TSHZ2: variants seen among roughly 807,000 people sequenced by gnomAD.
TSHZ2 encodes teashirt zinc finger homeobox 2.
TSHZ2 carries 21 observed loss-of-function variants against 74.4 expected under a neutral mutation model. The observed-to-expected ratio is 0.28, with a 90% confidence interval of 0.20 to 0.41. TSHZ2 has a LOEUF of 0.41. TSHZ2 is among the 10% of genes least tolerant of loss of function. The pLI is 1.00. For synonymous variants in TSHZ2, 540 were observed against 515.3 expected (o/e 1.05, Z -0.65); for missense variants, 1,244 against 1,293.5 (o/e 0.96, Z 0.59).
intron 1 of TSHZ2, among the ~76,000 whole-genome samples, chr20:53,201,021 T>C (rs1011811513): frequency 6.6e-6 from 1 of 152,080 alleles, no homozygotes; most frequent in Non-Finnish European, 1.5e-5. Flanking sequence ...CATTAATTTT[T>C]TTTTTTAAGA....
intron 1 of TSHZ2, among the ~76,000 whole-genome samples, chr20:53,019,516 T>A (rs1361760926): frequency 6.6e-6 from 1 of 151,990 alleles, no homozygotes; most frequent in African/African-American, 2.4e-5. Flanking sequence ...TATCAGGGGG[T>A]TGGGGGAGAC....
chr20:53,360,411 G>A (rs527532571), intron 2 of TSHZ2, among the ~76,000 whole-genome samples: 14 of 152,260 alleles, frequency 9.2e-5, no homozygotes, highest in African/African-American at 1.7e-4. Context: ...TTTGTTAACC[G>A]AAGTCAATAA....
At chr20:53,204,249 T>TCA (rs1989094593) in intron 1 of TSHZ2, among the ~76,000 whole-genome samples, 3 of 146,034 alleles carry the variant, frequency 2.1e-5, no homozygotes, top group Non-Finnish European at 4.5e-5. Context: ...TACTATATCA[T>TCA]CATATGATGA....
chr20:53,472,467 G>T (rs1390320230), intron 2 of TSHZ2, among the ~76,000 whole-genome samples: 1 of 152,148 alleles, frequency 6.6e-6, no homozygotes, highest in South Asian at 2.1e-4. Flanking sequence ...AATAAGGATT[G>T]GGGGTGCAAG....
At chr20:53,253,098 T>G (rs1450214382) in intron 1 of TSHZ2, among the ~76,000 whole-genome samples, 1 of 152,138 alleles carries the variant, frequency 6.6e-6, no homozygotes, top group Non-Finnish European at 1.5e-5. Context: ...GAGTCAAGTC[T>G]TAGTCTCCCT....
chr20:53,200,728 C>T (rs1292477665), intron 1 of TSHZ2, among the ~76,000 whole-genome samples: 1 of 152,096 alleles, frequency 6.6e-6, no homozygotes, highest in Non-Finnish European at 1.5e-5. Context: ...TTGGTACCGA[C>T]CATGGCCCAG....
At chr20:53,105,633 ATTTTAT>A (rs1986339980) in intron 1 of TSHZ2, among the ~76,000 whole-genome samples, 1 of 151,652 alleles carries the variant, frequency 6.6e-6, no homozygotes, top group Non-Finnish European at 1.5e-5. Context: ...GTTATATTTT[ATTTTAT>A]TTTTATTTTT....
intron 2 of TSHZ2, among the ~76,000 whole-genome samples, chr20:53,397,059 G>A (rs1009502062): frequency 2.0e-5 from 3 of 152,102 alleles, no homozygotes; most frequent in African/African-American, 7.2e-5. Context: ...TAGGACATAG[G>A]CACGGGCAAG....
At chr20:53,222,339 AC>A (rs1989584035) in intron 1 of TSHZ2, among the ~76,000 whole-genome samples, 1 of 152,300 alleles carries the variant, frequency 6.6e-6, no homozygotes, top group Admixed American at 6.5e-5. Flanking sequence ...CTCTACAGAC[AC>A]TCAGCTTTCA....
chr20:53,411,104 G>T (rs1983040149), intron 2 of TSHZ2, among the ~76,000 whole-genome samples: 1 of 152,192 alleles, frequency 6.6e-6, no homozygotes, highest in East Asian at 1.9e-4. Flanking sequence ...TGTGAACCAT[G>T]TTCAGCATTT....
intron 1 of TSHZ2, among the ~76,000 whole-genome samples, chr20:53,181,226 G>T (rs1392330784): frequency 6.6e-6 from 1 of 152,112 alleles, no homozygotes; most frequent in African/African-American, 2.4e-5. Context: ...TCTCTGAAAT[G>T]ATATTGTTCA....
intron 1 of TSHZ2, chr20:53,208,455 G>A (rs1195173366): frequency 6.6e-6 from 1 of 152,136 alleles, no homozygotes; most frequent in Admixed American, 6.5e-5. Flanking sequence ...GTGTAACCCT[G>A]ATTTGTGAAT....
At chr20:53,224,296 C>A (rs546235689) in intron 1 of TSHZ2, among the ~76,000 whole-genome samples, 219 of 152,216 alleles carry the variant, frequency 1.4e-3, no homozygotes, top group African/African-American at 5.2e-3. Flanking sequence ...GGAGATGTTA[C>A]ATGAGAGACT....
chr20:53,185,958 G>A (rs1156863007), intron 1 of TSHZ2, among the ~76,000 whole-genome samples: 1 of 152,196 alleles, frequency 6.6e-6, no homozygotes, highest in African/African-American at 2.4e-5. Flanking sequence ...TGTGAATGGT[G>A]CCATCTTGGG....
chr20:53,186,140 G>T (rs1028617702), intron 1 of TSHZ2, among the ~76,000 whole-genome samples: 1 of 152,220 alleles, frequency 6.6e-6, no homozygotes, highest in Non-Finnish European at 1.5e-5. Context: ...GCTGGTGGAA[G>T]GCTGGGGCCA....
rs572529515 is a variant in TSHZ2, at chr20:53,087,104, A to G, written c.40+113771A>G. ...GTGATGATCTGAAGGAGGAGAATTC[A>G]TAATACCAGATTCTCACATGGCTAG... On this transcript the variant is annotated intron_variant, in intron 1 of 2. Transcript: ENST00000371497. Among the ~76,000 whole-genome samples, 11 of 152,314 alleles carry G rather than the reference A, an allele frequency of 7.2e-5. No individual in the cohort carries two copies. The South Asian group carries it at 2.1e-3, about 29-fold the overall frequency.
At chr20:53,360,681 T>G (rs1600829723) in intron 2 of TSHZ2, among the ~76,000 whole-genome samples, 1 of 152,282 alleles carries the variant, frequency 6.6e-6, no homozygotes, top group Middle Eastern at 3.4e-3. Flanking sequence ...ACCTAATTCT[T>G]AGAAAGCCCA....
At chr20:53,314,461 A>G (rs926061792) in intron 2 of TSHZ2, among the ~76,000 whole-genome samples, 5 of 152,066 alleles carry the variant, frequency 3.3e-5, no homozygotes, top group Admixed American at 6.5e-5. Context: ...TTGGTGGGGC[A>G]TGATCTGGAG....
At chr20:53,472,888 G>A (rs935011331) in intron 2 of TSHZ2, among the ~76,000 whole-genome samples, 4 of 152,112 alleles carry the variant, frequency 2.6e-5, no homozygotes, top group African/African-American at 9.7e-5. Context: ...GTCAAAGAAA[G>A]GGGTGACGGA....
Sources: gnomAD v4.1 joint callset for allele counts (sites outside exome capture counted in the v4.1 genomes callset) on GRCh38, gnomAD v4.1.1 for gene constraint, MANE v1.5 for transcripts, NCBI Gene and HGNC (gene_info 2026-07-23, HGNC 2026-07-21) for gene names.